The following USP32 variants were observed in gnomAD, a reference collection of about 807,000 sequenced individuals.
USP32 encodes ubiquitin carboxyl-terminal hydrolase 32.
Under a neutral mutation model 204.8 loss-of-function variants are expected in USP32, and 59 were observed. The ratio of observed to expected loss-of-function variants is 0.29; its 90% CI spans 0.23 to 0.36. The LOEUF (loss-of-function observed/expected upper bound fraction) is 0.36. Among genes scored for constraint, USP32 ranks in the 10% least tolerant of loss-of-function variants. The pLI is 1.00. For missense variants in USP32, 1,160 were observed against 1,946.4 expected (o/e 0.60, Z 7.60); for synonymous variants, 517 against 678.4 (o/e 0.76, Z 3.70).
chr17:60,358,913 A>G (rs2089146185), intron 1 of USP32, among the ~76,000 whole-genome samples: 1 of 152,254 alleles, frequency 6.6e-6, no homozygotes. Flanking sequence ...AAAAGATTTA[A>G]AATGTTATAA....
rs143213135 is a variant in USP32, at chr17:60,222,915, C to T, written c.1609-366G>A. Among the ~76,000 whole-genome samples the T allele has an allele frequency of 5.0e-3, 765 of 152,146 alleles. 2 individuals are homozygous for T. Among genetic ancestry groups the T allele is most frequent in the Non-Finnish European group, 8.5e-3 (577 of 68,008 alleles). On this transcript the variant is annotated intron_variant, in intron 14 of 33. Transcript: ENST00000300896. ...CAGGCTGGTCTCAAACTCCTAACCT[C>T]AGGTGATCTGCCCACCTCAGCCTCC...
intron 1 of USP32, among the ~76,000 whole-genome samples, chr17:60,407,443 T>C (rs1009766883): frequency 3.2e-4 from 49 of 152,080 alleles, no homozygotes; most frequent in African/African-American, 1.1e-3. Context: ...GCAGCAGAGG[T>C]AAACCTTACT....
Position 60,180,867 on chromosome 17 carries a change from CTATTATTATTAT to C in USP32, c.4549-242_4549-231del, listed in dbSNP as rs35652936. Among the ~76,000 whole-genome samples the C allele has an allele frequency of 1.9e-3, 274 of 147,502 alleles. 1 individual carries two copies. The highest frequency in any genetic ancestry group is 7.5e-3 in the Admixed American group (111 of 14,728). ...AACAATCATTTTATAATTGTAATTA[CTATTATTATTAT>C]TATTATTATTATTATTATTTTGAGA... On this transcript the variant is annotated intron_variant, in intron 32 of 33. Coordinates refer to ENST00000300896, the MANE Select transcript of USP32 (RefSeq NM_032582.4).
At chr17:60,387,963 A>C (rs544197199) in intron 1 of USP32, among the ~76,000 whole-genome samples, 4 of 152,288 alleles carry the variant, frequency 2.6e-5, no homozygotes, top group Non-Finnish European at 5.9e-5. Flanking sequence ...GTAAAGTTAA[A>C]TTGTAAGTCG....
chr17:60,322,801 G>A (rs1315841874), intron 2 of USP32, among the ~76,000 whole-genome samples: 1 of 152,102 alleles, frequency 6.6e-6, no homozygotes, highest in Non-Finnish European at 1.5e-5. Flanking sequence ...GCACTAAAAT[G>A]GATTGAGCCA....
chr17:60,366,040 C>T (rs1235056557), intron 1 of USP32, among the ~76,000 whole-genome samples: 1 of 152,176 alleles, frequency 6.6e-6, no homozygotes, highest in African/African-American at 2.4e-5. Context: ...TGCAATGGCG[C>T]GATCTCGGCT....
intron 1 of USP32, chr17:60,421,246 CAACA>C: frequency 3.5e-6 from 2 of 567,340 alleles, no homozygotes; most frequent in Non-Finnish European, 4.5e-6. Context: ...CCTCCCCTTA[CAACA>C]ACAACAACGA....
chr17:60,333,720 G>A (rs1473728362), intron 2 of USP32, among the ~76,000 whole-genome samples: 2 of 151,896 alleles, frequency 1.3e-5, no homozygotes, highest in Non-Finnish European at 2.9e-5. Context: ...GGGGGAAGAA[G>A]AGGAGAGGGA....
At chr17:60,360,324 A>G (rs2089177745) in intron 1 of USP32, among the ~76,000 whole-genome samples, 4 of 151,842 alleles carry the variant, frequency 2.6e-5, no homozygotes, top group Non-Finnish European at 4.4e-5. Flanking sequence ...AAATACAAAA[A>G]TTATTTTTTG....
intron 1 of USP32, among the ~76,000 whole-genome samples, chr17:60,350,942 G>A (rs1382755014): frequency 1.3e-5 from 2 of 151,846 alleles, no homozygotes; most frequent in African/African-American, 4.8e-5. Context: ...AGAGAGACAC[G>A]AGAACCTAAG....
chr17:60,350,676 AC>A (rs1394813986), intron 1 of USP32, among the ~76,000 whole-genome samples: 2 of 151,944 alleles, frequency 1.3e-5, no homozygotes, highest in Non-Finnish European at 2.9e-5. Context: ...GGACAAAGGG[AC>A]TTTTCTTAAA....
intron 9 of USP32, among the ~76,000 whole-genome samples, chr17:60,261,873 A>G (rs563888027): frequency 3.3e-5 from 5 of 152,298 alleles, no homozygotes; most frequent in South Asian, 2.1e-4. Flanking sequence ...GACCTCAAAG[A>G]TATGTTAATA....
chr17:60,201,202 G>A (rs1464492132), intron 26 of USP32, among the ~76,000 whole-genome samples: 1 of 152,056 alleles, frequency 6.6e-6, no homozygotes, highest in African/African-American at 2.4e-5. Context: ...TTAGGTTTAC[G>A]AGATTCATTT....
chr17:60,257,544 C>T (rs973660896), intron 9 of USP32, among the ~76,000 whole-genome samples: 9 of 152,128 alleles, frequency 5.9e-5, no homozygotes, highest in African/African-American at 1.9e-4. Flanking sequence ...GGCTGGAGTG[C>T]AGTGGTGTGA....
intron 27 of USP32, among the ~76,000 whole-genome samples, chr17:60,194,197 C>T (rs2084455911): frequency 6.6e-6 from 1 of 152,140 alleles, no homozygotes; most frequent in Non-Finnish European, 1.5e-5. Flanking sequence ...GCACGCAACA[C>T]CATACCTGGC....
chr17:60,270,208 A>G (rs2086691465), intron 6 of USP32, among the ~76,000 whole-genome samples: 1 of 152,248 alleles, frequency 6.6e-6, no homozygotes, highest in African/African-American at 2.4e-5. Context: ...GAAATGATAC[A>G]TCAATCCCAA....
chr17:60,339,437 G>T (rs907010925), intron 2 of USP32, among the ~76,000 whole-genome samples: 5 of 151,696 alleles, frequency 3.3e-5, no homozygotes, highest in African/African-American at 1.2e-4. Flanking sequence ...ACAAAAATTA[G>T]CCAGGCGTGG....
intron 1 of USP32, among the ~76,000 whole-genome samples, chr17:60,420,011 C>G (rs1433603616): frequency 6.7e-6 from 1 of 149,240 alleles, no homozygotes; most frequent in African/African-American, 2.4e-5. Context: ...AGGCATGCAC[C>G]ACCGCGCCTG....
chr17:60,238,325 AT>A (rs1390567701), intron 11 of USP32, among the ~76,000 whole-genome samples: 1 of 152,100 alleles, frequency 6.6e-6, no homozygotes, highest in East Asian at 1.9e-4. Flanking sequence ...ATTATCTCCC[AT>A]TCTATAGGTT....
Sources: allele counts gnomAD v4.1 joint callset (sites outside exome capture counted in the v4.1 genomes callset), GRCh38; gene constraint gnomAD v4.1.1; transcripts MANE v1.5; gene names NCBI Gene and HGNC (gene_info 2026-07-23, HGNC 2026-07-21).